TMEM178B: variants seen among roughly 807,000 people sequenced by gnomAD.
TMEM178B encodes the protein transmembrane protein 178B.
Under a neutral mutation model 31.0 loss-of-function variants are expected in TMEM178B, and 5 were observed. The observed-to-expected ratio is 0.16, with a 90% CI of 0.08 to 0.34. The LOEUF (loss-of-function observed/expected upper bound fraction) is 0.34. TMEM178B is among the 10% of genes least tolerant of loss of function. TMEM178B has a pLI of 1.00. For synonymous variants in TMEM178B, 164 were observed against 164.0 expected, an observed-to-expected ratio of 1.00 and a Z score of 0.00; for missense variants, 275 against 400.3, an observed-to-expected ratio of 0.69 and a Z score of 2.67.
chr7:141,080,014 A>C (rs952513064), intron 1 of TMEM178B, among the ~76,000 whole-genome samples: 1 of 152,194 alleles, frequency 6.6e-6, no homozygotes, highest in Non-Finnish European at 1.5e-5. Context: ...GTGGAGAAGA[A>C]ACTGGGATAT....
intron 3 of TMEM178B, among the ~76,000 whole-genome samples, chr7:141,455,630 C>T (rs552688209): frequency 7.9e-5 from 12 of 152,366 alleles, no homozygotes; most frequent in African/African-American, 2.6e-4. Flanking sequence ...TCATCTAAAC[C>T]TTACAACGTT....
At chr7:141,287,995 C>T (rs141755162) in intron 2 of TMEM178B, among the ~76,000 whole-genome samples, 265 of 152,242 alleles carry the variant, frequency 1.7e-3, no homozygotes, top group Middle Eastern at 6.8e-3. Context: ...CCCCCCAATA[C>T]GTAGCTCAAA....
intron 3 of TMEM178B, among the ~76,000 whole-genome samples, chr7:141,468,974 G>A (rs991827274): frequency 3.3e-5 from 5 of 152,094 alleles, no homozygotes; most frequent in Non-Finnish European, 5.9e-5. Flanking sequence ...TTATGCAAAC[G>A]GATTTTCTAC....
chr7:141,373,484 GC>G (rs1800154939), intron 2 of TMEM178B, among the ~76,000 whole-genome samples: 1 of 152,206 alleles, frequency 6.6e-6, no homozygotes, highest in Admixed American at 6.5e-5. Flanking sequence ...TGGGAACGAT[GC>G]CTGGAAGGAG....
At chr7:141,455,841 CT>C (rs1801952648) in intron 3 of TMEM178B, among the ~76,000 whole-genome samples, 1 of 152,230 alleles carries the variant, frequency 6.6e-6, no homozygotes, top group Non-Finnish European at 1.5e-5. Context: ...GACAAATGTG[CT>C]GGGCATATGG....
At chr7:141,079,351 C>T (rs532342537) in intron 1 of TMEM178B, among the ~76,000 whole-genome samples, 10 of 152,266 alleles carry the variant, frequency 6.6e-5, no homozygotes, top group South Asian at 4.1e-4. Flanking sequence ...GTTCAGTAGC[C>T]GTATGTGCCT....
At chr7:141,265,445 A>C (rs1210178595) in intron 2 of TMEM178B, among the ~76,000 whole-genome samples, 1 of 152,188 alleles carries the variant, frequency 6.6e-6, no homozygotes, top group Non-Finnish European at 1.5e-5. Context: ...GAGATGGTTT[A>C]TATTTGCTCC....
intron 1 of TMEM178B, among the ~76,000 whole-genome samples, chr7:141,109,965 A>C (rs1412212074): frequency 6.6e-6 from 1 of 152,190 alleles, no homozygotes; most frequent in Non-Finnish European, 1.5e-5. Context: ...TCTCTAAAAA[A>C]AAAAGACTCT....
intron 2 of TMEM178B, among the ~76,000 whole-genome samples, chr7:141,262,472 A>AT (rs1215961106): frequency 6.3e-4 from 39 of 62,198 alleles, no homozygotes; most frequent in South Asian, 3.0e-3. Context: ...ATAAATACAT[A>AT]TAATATATAT....
At chr7:141,181,097 A>G (rs931605984) in intron 1 of TMEM178B, among the ~76,000 whole-genome samples, 9 of 152,194 alleles carry the variant, frequency 5.9e-5, no homozygotes, top group Non-Finnish European at 8.8e-5. Flanking sequence ...TTCAAAAGCC[A>G]TAGAAGGTAT....
At chr7:141,277,989 G>A (rs1249968738) in intron 2 of TMEM178B, among the ~76,000 whole-genome samples, 1 of 152,194 alleles carries the variant, frequency 6.6e-6, no homozygotes, top group Admixed American at 6.5e-5. Context: ...AGTCAGATAA[G>A]AGCAGAAGAC....
At chr7:141,394,246 C>T (rs11977367) in intron 2 of TMEM178B, among the ~76,000 whole-genome samples, 4,092 of 152,330 alleles carry the variant, frequency 0.027, 69 homozygotes, top group African/African-American at 0.047. Flanking sequence ...TCTTCACCCC[C>T]GCCTGTTGCT....
chr7:141,411,667 A>G (rs1263616000), intron 2 of TMEM178B, among the ~76,000 whole-genome samples: 1 of 152,144 alleles, frequency 6.6e-6, no homozygotes, highest in African/African-American at 2.4e-5. Flanking sequence ...GTATAACTCA[A>G]CTCACCCATT....
At chr7:141,163,883 A>G (rs552200593) in intron 1 of TMEM178B, among the ~76,000 whole-genome samples, 1 of 152,326 alleles carries the variant, frequency 6.6e-6, no homozygotes, top group Admixed American at 6.5e-5. Context: ...AATCATTTAT[A>G]CATAGATAGT....
chr7:141,176,924 A>G (rs1027596507), intron 1 of TMEM178B, among the ~76,000 whole-genome samples: 1 of 151,988 alleles, frequency 6.6e-6, no homozygotes, highest in Non-Finnish European at 1.5e-5. Context: ...GATTTTTTTG[A>G]AGGGTTTTTT....
At chr7:141,431,890 T>C (rs759953389) in intron 2 of TMEM178B, among the ~76,000 whole-genome samples, 2 of 152,112 alleles carry the variant, frequency 1.3e-5, no homozygotes, top group Non-Finnish European at 2.9e-5. Context: ...AGACAGGAGA[T>C]TGACACATAG....
chr7:141,493,013 T>C, the TMEM178B span, among the ~76,000 whole-genome samples: 56 of 152,270 alleles, frequency 3.7e-4, no homozygotes, highest in African/African-American at 1.1e-3. Flanking sequence ...GGAAATGTAA[T>C]GGAAATTGCC....
intron 2 of TMEM178B, among the ~76,000 whole-genome samples, chr7:141,240,863 G>GA (rs1797605360): frequency 6.6e-6 from 1 of 152,112 alleles, no homozygotes; most frequent in Non-Finnish European, 1.5e-5. Flanking sequence ...GCTAGCTTTT[G>GA]TTAAGTTTTC....
At chr7:141,151,820 G>A (rs1563101160) in intron 1 of TMEM178B, among the ~76,000 whole-genome samples, 2 of 152,184 alleles carry the variant, frequency 1.3e-5, no homozygotes, top group Admixed American at 1.3e-4. Context: ...GCCACATGTA[G>A]GGGGTGTGAG....
Sources: allele counts gnomAD v4.1 joint callset (sites outside exome capture counted in the v4.1 genomes callset), GRCh38; gene constraint gnomAD v4.1.1; transcripts MANE v1.5; gene names NCBI Gene and HGNC (gene_info 2026-07-23, HGNC 2026-07-21).